Variants in MYRIP observed in about 807,000 individuals in gnomAD.
The protein encoded by MYRIP is rab effector MyRIP.
A neutral mutation model predicts 98.0 loss-of-function variants in MYRIP; 49 were observed. The observed-to-expected ratio is 0.50, with a 90% confidence interval of 0.40 to 0.63. The LOEUF (loss-of-function observed/expected upper bound fraction) is 0.63, where lower values mean the gene tolerates loss of function less well. Among genes scored for constraint, MYRIP ranks in the 30% least tolerant of loss-of-function variants. MYRIP has a pLI of 0.00. For missense variants in MYRIP, 1,004 were observed against 1,058.2 expected (o/e 0.95, Z 0.71); for synonymous variants, 404 against 409.5 (o/e 0.99, Z 0.16).
In MYRIP at chr3:40,238,268, G is replaced by A. The variant is rs74951201; in HGVS notation, c.2100+4215G>A. On this transcript the variant is annotated intron_variant, in intron 12 of 16. Transcript: ENST00000302541. ...GTCAGGGAAGGGATGACTTTTCTTC[G>A]TCTCTTTAATTCAACAGATCACAGA... Among the ~76,000 whole-genome samples the A allele has an allele frequency of 7.7e-3, 1,165 of 152,164 alleles. 27 individuals carry two copies. The highest frequency in any genetic ancestry group is 0.068 in the East Asian group (353 of 5,158).
intron 2 of MYRIP, among the ~76,000 whole-genome samples, chr3:39,965,066 T>G (rs1259950518): frequency 2.0e-5 from 3 of 152,102 alleles, no homozygotes; most frequent in Admixed American, 6.6e-5. Context: ...AAGTATTTAA[T>G]GTACAAGTAT....
intron 1 of MYRIP, among the ~76,000 whole-genome samples, chr3:39,833,488 T>A (rs911641742): frequency 6.6e-6 from 1 of 152,132 alleles, no homozygotes; most frequent in African/African-American, 2.4e-5. Context: ...ATAGGAAAGG[T>A]GCCCTGGCTG....
intron 2 of MYRIP, among the ~76,000 whole-genome samples, chr3:39,985,795 A>G (rs1575438481): frequency 6.6e-6 from 1 of 152,136 alleles, no homozygotes; most frequent in East Asian, 1.9e-4. Context: ...TACACCTTAT[A>G]CCAAAATCAA....
chr3:40,155,860 T>G (rs1950223339), intron 4 of MYRIP, among the ~76,000 whole-genome samples: 1 of 151,674 alleles, frequency 6.6e-6, no homozygotes, highest in African/African-American at 2.4e-5. Flanking sequence ...TCTTGTAAAT[T>G]TGTTTGAGTT....
intron 1 of MYRIP, among the ~76,000 whole-genome samples, chr3:39,884,288 T>A (rs1458768): frequency 4.7e-4 from 72 of 152,034 alleles, no homozygotes; most frequent in African/African-American, 1.7e-3. Context: ...TGTCCCTCCC[T>A]GCTCCTCCCT....
intron 2 of MYRIP, among the ~76,000 whole-genome samples, chr3:39,936,648 A>T (rs1156526958): frequency 1.3e-5 from 2 of 152,196 alleles, no homozygotes; most frequent in Non-Finnish European, 2.9e-5. Context: ...ATCAGAAGGC[A>T]GAGCATGCAA....
At chr3:39,934,526 G>C (rs953181391) in intron 2 of MYRIP, among the ~76,000 whole-genome samples, 2 of 152,058 alleles carry the variant, frequency 1.3e-5, no homozygotes, top group Non-Finnish European at 2.9e-5. Flanking sequence ...AGAGCAACCA[G>C]CTCAGGAAAG....
intron 2 of MYRIP, among the ~76,000 whole-genome samples, chr3:39,941,198 A>C (rs1944776057): frequency 1.3e-5 from 2 of 152,162 alleles, no homozygotes; most frequent in Non-Finnish European, 2.9e-5. Context: ...CAGGCTGTAC[A>C]AGCATCTGCT....
intron 1 of MYRIP, among the ~76,000 whole-genome samples, chr3:39,868,458 T>C (rs1282647827): frequency 6.6e-6 from 1 of 152,152 alleles, no homozygotes; most frequent in African/African-American, 2.4e-5. Context: ...GGGACTGAGT[T>C]CCTGAGATTC....
chr3:40,131,524 G>A (rs192511484), intron 3 of MYRIP, among the ~76,000 whole-genome samples: 9 of 152,242 alleles, frequency 5.9e-5, no homozygotes, highest in East Asian at 1.9e-4. Flanking sequence ...AGCTCCCATC[G>A]TATTCTCTCT....
At chr3:40,188,427 TG>T (rs1475229292) in intron 9 of MYRIP, among the ~76,000 whole-genome samples, 1 of 148,222 alleles carries the variant, frequency 6.7e-6, no homozygotes, top group African/African-American at 2.5e-5. Context: ...TTCAAAGCCC[TG>T]GGGTCCTCAT....
intron 1 of MYRIP, among the ~76,000 whole-genome samples, chr3:39,885,406 C>T (rs1943267350): frequency 6.6e-6 from 1 of 152,032 alleles, no homozygotes; most frequent in Non-Finnish European, 1.5e-5. Flanking sequence ...GTAACCCAAC[C>T]TTTCTCTCTG....
rs145860713 is a variant in MYRIP, at chr3:40,222,565, C to T, written c.1906-11294C>T. ...TGTTTATTACCTCTCTGTCCCCCTA[C>T]CCCCCACCCCCTCCCCATCTGTCTT... is the stretch of plus-strand genomic sequence containing the variant. On this transcript the variant is annotated intron_variant, in intron 11 of 16. Transcript: ENST00000302541. 1.1e-3 allele frequency among the ~76,000 whole-genome samples: 169 copies of T among 150,254 alleles called. 4 individuals carry two copies. In the East Asian group the frequency reaches 0.03, roughly 27 times the overall value.
intron 2 of MYRIP, among the ~76,000 whole-genome samples, chr3:40,000,621 AG>A (rs1946497405): frequency 6.6e-6 from 1 of 152,134 alleles, no homozygotes; most frequent in African/African-American, 2.4e-5. Flanking sequence ...GAGGTACTTG[AG>A]GGACTTGATG....
At position 40,030,625 on chromosome 3, in the gene MYRIP, T is replaced by C. The variant is rs562551448; in HGVS notation, c.111-13425T>C. On this transcript the variant is annotated intron_variant, in intron 2 of 16. Coordinates refer to ENST00000302541, the MANE Select transcript of MYRIP (RefSeq NM_015460.4). The stretch of plus-strand genomic sequence containing the variant: ...ATAAATAAAATGGTATATCCATAAA[T>C]TGAATATTATTTAGCAGTAAAAAGG... Among the ~76,000 whole-genome samples, 8 of 152,230 alleles carry C rather than the reference T, an allele frequency of 5.3e-5. No individual in the cohort carries two copies. In the East Asian group the frequency reaches 1.2e-3, roughly 22 times the overall value.
rs532189930 is a variant in MYRIP, at chr3:39,971,196, TA to T, written c.110+70272del. 9.2e-5 allele frequency among the ~76,000 whole-genome samples: 14 copies of T among 152,214 alleles called. No homozygotes were observed. The East Asian group carries it at 2.5e-3, about 27-fold the overall frequency. ...TCCTCTGGTGCCATCTCCAGGTCCA[TA>T]AGGGTCTAAAGTTGTTTTCATTGGT... On this transcript the variant is annotated intron_variant, in intron 2 of 16. Transcript: ENST00000302541.
At chr3:40,252,876 G>A (rs184546476) in intron 16 of MYRIP, among the ~76,000 whole-genome samples, 87 of 152,284 alleles carry the variant, frequency 5.7e-4, no homozygotes, top group Non-Finnish European at 1.2e-3. Context: ...TTCCTACAGA[G>A]AGTAAAAAAT....
At chr3:40,163,773 G>A (rs183816454) in intron 5 of MYRIP, among the ~76,000 whole-genome samples, 8 of 151,958 alleles carry the variant, frequency 5.3e-5, no homozygotes, top group Admixed American at 2.6e-4. Context: ...GGAACTTCTC[G>A]GCCTCCTTAA....
intron 2 of MYRIP, among the ~76,000 whole-genome samples, chr3:39,958,438 C>T (rs1189270556): frequency 6.6e-6 from 1 of 152,148 alleles, no homozygotes; most frequent in Non-Finnish European, 1.5e-5. Flanking sequence ...AAAGGATTCC[C>T]TATTTAATAA....
Sources: gnomAD v4.1 joint callset for allele counts (sites outside exome capture counted in the v4.1 genomes callset) on GRCh38, gnomAD v4.1.1 for gene constraint, MANE v1.5 for transcripts, NCBI Gene and HGNC (gene_info 2026-07-23, HGNC 2026-07-21) for gene names.